Variants in MAN1B1 observed in about 807,000 individuals in gnomAD.
MAN1B1 encodes the protein endoplasmic reticulum mannosyl-oligosaccharide 1,2-alpha-mannosidase.
A neutral mutation model predicts 75.5 loss-of-function variants in MAN1B1; 66 were observed. The ratio of observed to expected loss-of-function variants is 0.87; its 90% CI spans 0.72 to 1.07. The LOEUF is 1.07. Among genes scored for constraint, MAN1B1 ranks in the 50% least tolerant of loss-of-function variants. MAN1B1 has a pLI of 0.00. For synonymous variants in MAN1B1, 453 were observed against 382.8 expected, an observed-to-expected ratio of 1.18 and a Z score of -2.14; for missense variants, 973 against 912.5, an observed-to-expected ratio of 1.07 and a Z score of -0.85.
intron 8 of MAN1B1, chr9:137,101,964 G>A (rs1830830314): frequency 1.8e-6 from 1 of 558,300 alleles, no homozygotes; most frequent in Admixed American, 2.3e-5. Flanking sequence ...GGTCAGTGGT[G>A]TTACACACAT....
At chr9:137,100,792 G>C (rs1401731766) in intron 6 of MAN1B1, among the ~76,000 whole-genome samples, 1 of 152,100 alleles carries the variant, frequency 6.6e-6, no homozygotes, top group Non-Finnish European at 1.5e-5. Context: ...GCTAATTTTT[G>C]TGTTTTTAGT....
intron 4 of MAN1B1, among the ~76,000 whole-genome samples, chr9:137,097,448 C>T (rs528173801): frequency 5.9e-5 from 9 of 152,234 alleles, no homozygotes; most frequent in East Asian, 3.9e-4. Context: ...GGACAGCCCC[C>T]GTCTGTGTGG....
In MAN1B1 at chr9:137,107,663, G is replaced by A; in HGVS notation, c.1896+1G>A. On this transcript the variant is annotated splice_donor_variant, in intron 12 of 12. Transcript: ENST00000371589. LOFTEE classifies it high-confidence loss of function. ...GCAGAGCTTCAGCCGATTCACACGGGTGAGCACCTGTCCTCGCCCCGCGTG... is the reference window on the plus strand; with the variant it reads ...GCAGAGCTTCAGCCGATTCACACGGATGAGCACCTGTCCTCGCCCCGCGTG... 6.2e-7 allele frequency: 1 copy of A among 1,609,626 alleles called. No homozygotes were observed. Among genetic ancestry groups the A allele is most frequent in the South Asian group, 1.1e-5 (1 of 91,092 alleles).
chr9:137,097,561 C>G (rs1368249885), intron 4 of MAN1B1, among the ~76,000 whole-genome samples: 1 of 152,222 alleles, frequency 6.6e-6, no homozygotes, highest in Non-Finnish European at 1.5e-5. Context: ...CCGGCCTCTG[C>G]AGAGGGATTT....
In MAN1B1 at chr9:137,093,976, TC is replaced by T. The variant is rs57739638; in HGVS notation, c.466-2258del. 8.6e-5 allele frequency among the ~76,000 whole-genome samples: 13 copies of T among 151,900 alleles called. No individual in the cohort carries two copies. The East Asian group carries it at 2.5e-3, about 29-fold the overall frequency. On this transcript the variant is annotated intron_variant, in intron 3 of 12. Transcript: ENST00000371589. ...TTTGGGAGTAAAACTCAGATGAACT[TC>T]CCTACAAGATCATAAAACTGTGATC...
chr9:137,090,481 G>A (rs4075382), intron 3 of MAN1B1, among the ~76,000 whole-genome samples: 146 of 152,280 alleles, frequency 9.6e-4, no homozygotes, highest in African/African-American at 3.4e-3. Flanking sequence ...CAGCAAGAGG[G>A]GCATTGGGGC....
rs745337581 is a variant in MAN1B1 at position 137,101,493 on chromosome 9, G to T, written c.1075G>T (p.Gly359Ter). ...TCTGCTCATATACCAGGAGGATTTT[G>T]GAAATCGGCTAATGCCTGCCTTCAG... Reference protein sequence around the residue: ...SLFLRKAEDFGNRLMPAFRTP... With the variant: ...SLFLRKAEDF The change falls in exon 8 of 13, where the codon GGA (glycine) becomes TGA (stop). Residue 359 changes from glycine to a stop codon, truncating the protein, a stop_gained. Coordinates refer to ENST00000371589, the MANE Select transcript of MAN1B1 (RefSeq NM_016219.5). LOFTEE classifies it high-confidence loss of function. 40 of 1,613,728 alleles carry T rather than the reference G, an allele frequency of 2.5e-5. No individual in the cohort carries two copies. Among genetic ancestry groups the T allele is most frequent in the Non-Finnish European group, 3.3e-5 (39 of 1,180,032 alleles).
At chr9:137,091,284 G>T (rs775513747) in intron 3 of MAN1B1, among the ~76,000 whole-genome samples, 1 of 152,150 alleles carries the variant, frequency 6.6e-6, no homozygotes, top group Admixed American at 6.5e-5. Context: ...CCACTCACAA[G>T]TGACCCATAA....
At position 137,107,743 on chromosome 9, in the gene MAN1B1, G is replaced by A. The variant is rs774140778; in HGVS notation, c.1896+81G>A. 9 of 1,599,552 alleles carry A rather than the reference G, an allele frequency of 5.6e-6. No individual in the cohort carries two copies. The East Asian group carries it at 6.7e-5, about 12-fold the overall frequency. ...GGGCTGTGGGGCTCAGGCTGGCTCC[G>A]CTCTTGGTGGTGGCTGTGACCTGGA... On this transcript the variant is annotated intron_variant, in intron 12 of 12. Coordinates refer to ENST00000371589, the MANE Select transcript of MAN1B1 (RefSeq NM_016219.5).
intron 3 of MAN1B1, among the ~76,000 whole-genome samples, chr9:137,091,693 A>AT (rs1178924396): frequency 6.6e-6 from 1 of 150,622 alleles, no homozygotes; most frequent in Non-Finnish European, 1.5e-5. Flanking sequence ...CGCCCGGCTA[A>AT]TTTTTTGTAT....
intron 5 of MAN1B1, among the ~76,000 whole-genome samples, chr9:137,098,318 C>T (rs968064294): frequency 3.9e-5 from 6 of 152,212 alleles, no homozygotes; most frequent in Non-Finnish European, 7.3e-5. Flanking sequence ...TGCGGGCCTT[C>T]GGCCAAGCTC....
At chr9:137,087,316 TC>T in intron 1 of MAN1B1, 98 bp downstream of exon 1, 1 of 1,338,702 alleles carries the variant, frequency 7.5e-7, no homozygotes, top group African/African-American at 1.5e-5. Flanking sequence ...CGGACTCGAC[TC>T]CCCAGGCGCC....
Position 137,108,436 on chromosome 9 carries a change from A to C in MAN1B1, c.1945A>C (p.Lys649Gln). The C allele has an allele frequency of 6.2e-7, 1 of 1,613,856 alleles. No homozygotes were observed. The highest frequency in any genetic ancestry group is 8.5e-7 in the Non-Finnish European group (1 of 1,179,996). ...SSINNVQDPQ[K>Q]PEPRDKMESF... is the part of the protein sequence containing the mutation. ...CATCAACAATGTCCAGGATCCTCAG[A>C]AGCCCGAGCCTAGGGACAAGATGGA... The change falls in exon 13 of 13, where the codon AAG becomes CAG. Residue 649 changes from lysine (K) to glutamine (Q), a missense_variant. By Grantham distance (53) the Lys-to-Gln change is moderately conservative. Transcript: ENST00000371589.
chr9:137,096,834 C>T (rs367961407), intron 4 of MAN1B1, among the ~76,000 whole-genome samples: 260 of 152,352 alleles, frequency 1.7e-3, no homozygotes, highest in African/African-American at 6.0e-3. Flanking sequence ...AGTGGAGCTT[C>T]GGTGCTGGAG....
intron 5 of MAN1B1, 109 bp downstream of exon 5, chr9:137,098,046 C>A: frequency 2.5e-6 from 2 of 795,528 alleles, no homozygotes; most frequent in South Asian, 1.5e-5. Context: ...CTGGTGTGCA[C>A]CTTGCCCTTC....
At chr9:137,089,122 T>C in intron 3 of MAN1B1, 117 bp downstream of exon 3, 3 of 1,309,768 alleles carry the variant, frequency 2.3e-6, no homozygotes, top group Non-Finnish European at 3.3e-6. Flanking sequence ...TGTTTACCTC[T>C]CTCTCGTTTT....
At position 137,101,095 on chromosome 9, in the gene MAN1B1, T is replaced by G. The variant is rs1253963443; in HGVS notation, c.1007T>G (p.Leu336Arg). The G allele has an allele frequency of 1.2e-6, 2 of 1,613,902 alleles. No individual in the cohort carries two copies. The highest frequency in any genetic ancestry group is 1.7e-6 in the Non-Finnish European group (2 of 1,180,014). The change falls in exon 7 of 13, where the codon CTG (leucine) becomes CGG (arginine). Residue 336 changes from leucine to arginine, a missense_variant. Physicochemically the swap from Leu to Arg is moderately radical, Grantham distance 102 (BLOSUM62 -2). Transcript: ENST00000371589. The stretch of plus-strand genomic sequence containing the variant: ...CTGTTTGAGAGCACGATCCGCATCC[T>G]GGGGGGGCTCCTGAGTGCCTACCAC... ...VNLFESTIRI[L>R]GGLLSAYHLS...
At chr9:137,094,036 A>G (rs1037165484) in intron 3 of MAN1B1, among the ~76,000 whole-genome samples, 2 of 147,186 alleles carry the variant, frequency 1.4e-5, no homozygotes, top group East Asian at 2.0e-4. Flanking sequence ...TTTTTTTGAG[A>G]CAGAGTCTCA....
rs776567843 is a variant in MAN1B1, at chr9:137,099,686, C to T, written c.731-10C>T. 1.2e-6 allele frequency: 2 copies of T among 1,614,050 alleles called. No individual in the cohort carries two copies. Among genetic ancestry groups the T allele is most frequent in the Non-Finnish European group, 1.7e-6 (2 of 1,179,980 alleles). The stretch of plus-strand genomic sequence containing the variant: ...GTCCGCCATGGCCTGTGCTCTCTCC[C>T]CCCTACTAGTGCATCTGAACTATCG... On this transcript the variant is annotated splice_polypyrimidine_tract_variant and intron_variant, in intron 5 of 12. Coordinates refer to ENST00000371589, the MANE Select transcript of MAN1B1 (RefSeq NM_016219.5).
Sources: gnomAD v4.1 joint callset for allele counts (sites outside exome capture counted in the v4.1 genomes callset) on GRCh38, gnomAD v4.1.1 for gene constraint, MANE v1.5 for transcripts, NCBI Gene and HGNC (gene_info 2026-07-23, HGNC 2026-07-21) for gene names.